GANC: variants seen among roughly 807,000 people sequenced by gnomAD.
GANC encodes glucosidase alpha, neutral C, also known as neutral alpha-glucosidase C.
A neutral mutation model predicts 124.2 loss-of-function variants in GANC; 117 were observed. That is an observed-to-expected ratio of 0.94 (90% CI 0.81 to 1.10). The LOEUF (loss-of-function observed/expected upper bound fraction) is 1.10. Ranked by LOEUF, GANC falls within the 50% of genes least tolerant of loss-of-function variation. The probability of loss-of-function intolerance (pLI) is 0.00; values close to 1 mark genes in which losing one functional copy is unlikely to be tolerated. For synonymous variants in GANC, 377 were observed against 376.8 expected (o/e 1.00, Z -0.01); for missense variants, 1,140 against 1,095.0 (o/e 1.04, Z -0.58).
intron 10 of GANC, among the ~76,000 whole-genome samples, chr15:42,315,966 G>C (rs1171091130): frequency 1.3e-5 from 2 of 151,878 alleles, no homozygotes; most frequent in Admixed American, 6.6e-5. Flanking sequence ...AAATAAATAA[G>C]TATTTGTATC....
At chr15:42,286,866 C>G (rs1193363116) in intron 3 of GANC, among the ~76,000 whole-genome samples, 1 of 152,174 alleles carries the variant, frequency 6.6e-6, no homozygotes, top group Non-Finnish European at 1.5e-5. Context: ...CCAGTAGTAA[C>G]CAAAATTTGG....
Position 42,329,447 on chromosome 15 carries a change from C to T in GANC, c.1642C>T (p.His548Tyr). The change falls in exon 14 of 24, where the codon CAT (histidine) becomes TAT (tyrosine). Residue 548 changes from histidine to tyrosine, a missense_variant and splice_region_variant. His to Tyr is a moderately conservative substitution (Grantham distance 83, BLOSUM62 2). Transcript: ENST00000318010. ...GCTCCACAACATCTACGGTTTTTATCATGTAAGACATCCAAAAAGAATTAA... is the reference window on the plus strand; with the variant it reads ...GCTCCACAACATCTACGGTTTTTATTATGTAAGACATCCAAAAAGAATTAA... ...RELHNIYGFY[H>Y]QMATAEGLIK... The T allele has an allele frequency of 6.2e-7, 1 of 1,604,206 alleles. No homozygotes were observed. Among genetic ancestry groups the T allele is most frequent in the South Asian group, 1.1e-5 (1 of 89,104 alleles).
chr15:42,300,788 G>A (rs997223257), intron 6 of GANC, among the ~76,000 whole-genome samples: 1 of 152,168 alleles, frequency 6.6e-6, no homozygotes, highest in Non-Finnish European at 1.5e-5. Flanking sequence ...GGGGGCTGAG[G>A]CAGGTGGATC....
At chr15:42,309,756 T>C (rs57052341) in intron 8 of GANC, among the ~76,000 whole-genome samples, 138,253 of 151,950 alleles carry the variant, frequency 0.91, 64,242 homozygotes, top group Non-Finnish European at 1. Context: ...CAGTGGCTCA[T>C]ACCTGTAATC....
intron 6 of GANC, among the ~76,000 whole-genome samples, chr15:42,303,064 A>G (rs2051961816): frequency 6.6e-6 from 1 of 152,202 alleles, no homozygotes; most frequent in Admixed American, 6.5e-5. Context: ...AGCCTGACCA[A>G]AGTTGAAATG....
At chr15:42,328,796 C>A (rs920311062) in intron 13 of GANC, among the ~76,000 whole-genome samples, 3 of 152,346 alleles carry the variant, frequency 2.0e-5, no homozygotes, top group African/African-American at 7.2e-5. Flanking sequence ...CCACTCTAAA[C>A]TGAACAGTTC....
At chr15:42,340,404 C>G (rs1239491318) in intron 17 of GANC, among the ~76,000 whole-genome samples, 1 of 151,884 alleles carries the variant, frequency 6.6e-6, no homozygotes, top group African/African-American at 2.4e-5. Context: ...GTCTGGAGTT[C>G]GAGACCAGCC....
chr15:42,334,581 C>T (rs2052269959), intron 15 of GANC, among the ~76,000 whole-genome samples: 1 of 151,824 alleles, frequency 6.6e-6, no homozygotes, highest in African/African-American at 2.4e-5. Context: ...AAATGTCTGC[C>T]CTTTCAAAGA....
chr15:42,343,330 G>C, intron 19 of GANC, 176 bp downstream of exon 19: 1 of 580,914 alleles, frequency 1.7e-6, no homozygotes, highest in Admixed American at 3.0e-5. Context: ...CTTAATGGAG[G>C]AGAGGAGGGA....
At position 42,292,749 on chromosome 15, in the gene GANC, C is replaced by T; in HGVS notation, c.344C>T (p.Ser115Phe). 2.5e-6 allele frequency: 4 copies of T among 1,613,756 alleles called. No individual in the cohort carries two copies. The highest frequency in any genetic ancestry group is 3.4e-6 in the Non-Finnish European group (4 of 1,179,768). ...TTGTTTTCTAGGCTGATTTCATGCT[C>T]TGGGGACACAGGCAGTCTGATATTG... is the stretch of plus-strand genomic sequence containing the variant. ...KPSTVRLISC[S>F]GDTGSLILAD... The change falls in exon 5 of 24, where the codon TCT becomes TTT. Residue 115 changes from serine to phenylalanine, a missense_variant. Coordinates refer to ENST00000318010, the MANE Select transcript of GANC (RefSeq NM_198141.3).
intron 10 of GANC, among the ~76,000 whole-genome samples, chr15:42,318,863 G>A (rs946802926): frequency 2.0e-5 from 3 of 152,058 alleles, no homozygotes; most frequent in Non-Finnish European, 4.4e-5. Flanking sequence ...TGCTTTACAG[G>A]GATTACAGGT....
intron 19 of GANC, chr15:42,344,928 T>G (rs1426371871): frequency 6.6e-6 from 1 of 152,200 alleles, no homozygotes; most frequent in Non-Finnish European, 1.5e-5. Flanking sequence ...GTGTATTATG[T>G]TCCTTCAGCA....
In GANC at chr15:42,345,776, A is replaced by G; in HGVS notation, c.2248A>G (p.Thr750Ala). 1.9e-6 allele frequency: 3 copies of G among 1,611,948 alleles called. No homozygotes were observed. The highest frequency in any genetic ancestry group is 2.5e-6 in the Non-Finnish European group (3 of 1,178,144). ...GSNEVWYDYK[T>A]FAHWEGGCTV... ...TTTCTAGGTCTGGTATGACTATAAG[A>G]CATTTGCTCATTGGGAAGGAGGGTG... The change falls in exon 20 of 24, where the codon ACA (threonine) becomes GCA (alanine). Residue 750 changes from threonine to alanine, a missense_variant. Thr to Ala is a moderately conservative substitution (Grantham distance 58, BLOSUM62 0). Transcript: ENST00000318010.
chr15:42,333,702 A>C (rs2052263601), intron 15 of GANC, among the ~76,000 whole-genome samples: 1 of 152,190 alleles, frequency 6.6e-6, no homozygotes, highest in South Asian at 2.1e-4. Flanking sequence ...ATCTGATAGG[A>C]TTGTTGTGAT....
At chr15:42,285,930 G>T (rs2051782629) in intron 3 of GANC, among the ~76,000 whole-genome samples, 2 of 151,994 alleles carry the variant, frequency 1.3e-5, no homozygotes, top group African/African-American at 4.8e-5. Flanking sequence ...TGAAAACAGG[G>T]TTATTGCTCT....
At position 42,353,113 on chromosome 15, in the gene GANC, G is replaced by T. The variant is rs1342671959; in HGVS notation, c.*974G>T. 1.0e-6 allele frequency: 1 copy of T among 985,558 alleles called. No individual in the cohort carries two copies. Among genetic ancestry groups the T allele is most frequent in the African/African-American group, 1.7e-5 (1 of 57,172 alleles). 61.1% of individuals were successfully genotyped at this position (985,558 alleles called of 1,614,324 possible). A position where few individuals can be genotyped will look rare whatever the true frequency, so the allele number is the denominator to read the frequency against. Reference sequence around the variant, plus strand: ...TCCTTTTGTCCCAGGCTCTAATATGGCTTGGCATGGGGCAGAACATTACAA... The same window carrying T: ...TCCTTTTGTCCCAGGCTCTAATATGTCTTGGCATGGGGCAGAACATTACAA... On this transcript the variant is annotated 3_prime_UTR_variant, in exon 24 of 24. Transcript: ENST00000318010.
At chr15:42,337,519 G>T (rs1426819694) in intron 15 of GANC, among the ~76,000 whole-genome samples, 6 of 152,066 alleles carry the variant, frequency 3.9e-5, no homozygotes, top group Non-Finnish European at 7.4e-5. Context: ...AGAACACGTG[G>T]ACACATAGAG....
intron 22 of GANC, 50 bp downstream of exon 22, chr15:42,349,545 C>G (rs781682322): frequency 9.5e-7 from 1 of 1,056,488 alleles, no homozygotes. Context: ...ATCACACTAT[C>G]CGTTCAGCAT....
chr15:42,300,886 T>C (rs1255856423), intron 6 of GANC, among the ~76,000 whole-genome samples: 1 of 151,796 alleles, frequency 6.6e-6, no homozygotes, highest in Non-Finnish European at 1.5e-5. Context: ...GGCGTGGTAG[T>C]GCATGCCTGT....
Sources: gnomAD v4.1 joint callset for allele counts (sites outside exome capture counted in the v4.1 genomes callset) on GRCh38, gnomAD v4.1.1 for gene constraint, MANE v1.5 for transcripts, NCBI Gene and HGNC (gene_info 2026-07-23, HGNC 2026-07-21) for gene names.